MACF1: variants seen among roughly 807,000 people sequenced by gnomAD.
MACF1 encodes the protein microtubule actin crosslinking factor 1, also known as microtubule-actin cross-linking factor 1.
MACF1 carries 193 observed loss-of-function variants against 854.8 expected under a neutral mutation model. The ratio of observed to expected loss-of-function variants is 0.23; its 90% CI spans 0.20 to 0.25. MACF1 has a LOEUF of 0.25. Among genes scored for constraint, MACF1 ranks in the 10% least tolerant of loss-of-function variants. The pLI, the probability that MACF1 is intolerant of heterozygous loss-of-function variation, is 1.00. For synonymous variants in MACF1, 3,185 were observed against 3,226.7 expected (o/e 0.99, Z 0.44); for missense variants, 7,722 against 8,929.1 (o/e 0.86, Z 5.45).
chr1:39,102,213 A>AGAG (rs1557453862), intron 2 of MACF1, among the ~76,000 whole-genome samples: 12 of 114,924 alleles, frequency 1.0e-4, no homozygotes, highest in East Asian at 3.4e-4. Context: ...GAGAGAGAGA[A>AGAG]AGAGAGAGAG....
At position 39,367,005 on chromosome 1, in the gene MACF1, T is replaced by C. The variant is rs922270529; in HGVS notation, c.12772-1143T>C. 2.1e-5 allele frequency among the ~76,000 whole-genome samples: 3 copies of C among 141,422 alleles called. No homozygotes were observed. The Admixed American group carries it at 2.3e-4, about 11-fold the overall frequency. The allele number at this position is 141,422 out of a possible 152,430, so 92.8% of individuals were successfully genotyped here. On this transcript the variant is annotated intron_variant, in intron 49 of 100. Transcript: ENST00000564288. ...CTCTGTTGCCCAGGCTGGAGTGCAG[T>C]GGCACAATCTTGGCTCACTGCAACC...
At chr1:39,218,226 T>C (rs372323121) in intron 1 of MACF1, among the ~76,000 whole-genome samples, 1 of 148,718 alleles carries the variant, frequency 6.7e-6, no homozygotes, top group South Asian at 2.1e-4. Context: ...GATTTTGAGA[T>C]GGCTGGTTTA....
At chr1:39,176,263 G>C (rs1033050477) in intron 2 of MACF1, among the ~76,000 whole-genome samples, 1 of 131,318 alleles carries the variant, frequency 7.6e-6, no homozygotes, top group African/African-American at 2.8e-5. Flanking sequence ...GAGTGGCAGA[G>C]TGAGACTCTG....
intron 2 of MACF1, among the ~76,000 whole-genome samples, chr1:39,173,382 A>G (rs1449513455): frequency 6.6e-6 from 1 of 151,024 alleles, no homozygotes; most frequent in Non-Finnish European, 1.5e-5. Flanking sequence ...AGCACTGGAA[A>G]CAATTGCTAG....
At chr1:39,294,859 A>G (rs1453439356) in intron 18 of MACF1, among the ~76,000 whole-genome samples, 187 bp from the exon 19 acceptor site, 1 of 151,984 alleles carries the variant, frequency 6.6e-6, no homozygotes, top group Non-Finnish European at 1.5e-5. Flanking sequence ...TTTGTGAATC[A>G]TTTTCCAATA....
intron 2 of MACF1, among the ~76,000 whole-genome samples, chr1:39,173,155 C>T (rs1357153516): frequency 1.3e-5 from 2 of 152,002 alleles, no homozygotes; most frequent in African/African-American, 4.8e-5. Context: ...TCCTGGCCAA[C>T]ATGGTGAAAT....
At chr1:39,247,165 C>T (rs1257659231) in intron 2 of MACF1, among the ~76,000 whole-genome samples, 1 of 148,712 alleles carries the variant, frequency 6.7e-6, no homozygotes, top group African/African-American at 2.5e-5. Flanking sequence ...CTCCGCCTCC[C>T]GAGTTCACGC....
At chr1:39,168,808 C>T (rs1436775022) in intron 2 of MACF1, among the ~76,000 whole-genome samples, 1 of 151,914 alleles carries the variant, frequency 6.6e-6, no homozygotes, top group East Asian at 1.9e-4. Flanking sequence ...ATCGGTTGAT[C>T]GTAGAGATGG....
At position 39,388,872 on chromosome 1, in the gene MACF1, C is replaced by CTTTT. The variant is rs548104092; in HGVS notation, c.15816+235_15816+238dup. Among the ~76,000 whole-genome samples, 730 of 87,190 alleles carry CTTTT rather than the reference C, an allele frequency of 8.4e-3. 5 individuals are homozygous for CTTTT. Among genetic ancestry groups the CTTTT allele is most frequent in the African/African-American group, 0.018 (352 of 19,956 alleles). The allele number at this position is 87,190 out of a possible 152,430, so 57.2% of individuals were successfully genotyped here. A position where few individuals can be genotyped will look rare whatever the true frequency, so the allele number is the denominator to read the frequency against. On this transcript the variant is annotated intron_variant, in intron 58 of 100. Coordinates refer to ENST00000564288, the MANE Select transcript of MACF1 (RefSeq NM_001394062.1). ...TCTTTTTCTTTTTCTTCTTCTTCTT[C>CTTTT]TTTTTTTTTTTTTTTTTTTTTTTTG... is the stretch of plus-strand genomic sequence containing the variant.
At chr1:39,194,317 A>ATTTCTTTTCT (rs138791842) in intron 2 of MACF1, among the ~76,000 whole-genome samples, 36 of 105,470 alleles carry the variant, frequency 3.4e-4, no homozygotes, top group Admixed American at 3.1e-3. Context: ...CAGAAGTGGA[A>ATTTCTTTTCT]TTTCTTTTCT....
At chr1:39,481,963 A>G (rs1007152296) in intron 99 of MACF1, among the ~76,000 whole-genome samples, 3 of 152,210 alleles carry the variant, frequency 2.0e-5, no homozygotes, top group African/African-American at 7.2e-5. Flanking sequence ...ACCTACTGCC[A>G]CTAAACTACT....
At chr1:39,104,093 T>C (rs890424462) in intron 2 of MACF1, among the ~76,000 whole-genome samples, 1 of 152,142 alleles carries the variant, frequency 6.6e-6, no homozygotes, top group Non-Finnish European at 1.5e-5. Flanking sequence ...GAATTCTTTT[T>C]TTACTTGCTA....
At chr1:39,165,441 A>G (rs1401026458) in intron 2 of MACF1, among the ~76,000 whole-genome samples, 2 of 152,224 alleles carry the variant, frequency 1.3e-5, no homozygotes, top group African/African-American at 2.4e-5. Context: ...TCACTGGGCT[A>G]GAGAGGGTCA....
At chr1:39,465,600 G>A (rs890384497) in intron 95 of MACF1, among the ~76,000 whole-genome samples, 1 of 152,232 alleles carries the variant, frequency 6.6e-6, no homozygotes, top group African/African-American at 2.4e-5. Context: ...GTAATTGGCC[G>A]TGGCCTGAAG....
chr1:39,299,711 A>G (rs1378650520), intron 21 of MACF1, among the ~76,000 whole-genome samples: 1 of 152,198 alleles, frequency 6.6e-6, no homozygotes, highest in Non-Finnish European at 1.5e-5. Context: ...TAGGAAAATA[A>G]AATATTTGGA....
At position 39,331,320 on chromosome 1, in the gene MACF1, C is replaced by A. The variant is rs1646722281; in HGVS notation, c.4732C>A (p.Gln1578Lys). Reference protein sequence around the residue: ...QDTGLVLLESQVIMSGLIAPE... With the variant: ...QDTGLVLLESKVIMSGLIAPE... ...CACAGGCCTAGTGCTTCTGGAATCT[C>A]AGGTTATCATGTCTGGCCTCATTGC... is the stretch of plus-strand genomic sequence containing the variant. Residue 1578 changes from glutamine (Q) to lysine (K), a missense_variant, in exon 37 of 101, where the codon CAG becomes AAG. By Grantham distance (53) the Gln-to-Lys change is moderately conservative (BLOSUM62 1). This residue lies in a region of MACF1 where 1,531 missense variants were observed against 1,601.6 expected (regional missense o/e 0.96). Coordinates refer to ENST00000564288, the MANE Select transcript of MACF1 (RefSeq NM_001394062.1). The A allele has an allele frequency of 1.9e-6, 3 of 1,613,944 alleles. No homozygotes were observed. The highest frequency in any genetic ancestry group is 2.5e-6 in the Non-Finnish European group (3 of 1,179,994).
At position 39,460,149 on chromosome 1, in the gene MACF1, T is replaced by G. The variant is rs2124046635; in HGVS notation, c.21361-483T>G. On this transcript the variant is annotated intron_variant, in intron 91 of 100. Coordinates refer to ENST00000564288, the MANE Select transcript of MACF1 (RefSeq NM_001394062.1). This position sits in a 1 kb window ranked among gnomAD's most constrained non-coding sequence, Gnocchi z 4.1. ...GGATACAACATTGGGTTCCCAATGC[T>G]TCCATCCAGAACTCAGATTTTCTCA... Among the ~76,000 whole-genome samples the G allele has an allele frequency of 6.6e-6, 1 of 152,338 alleles. No individual in the cohort carries two copies. The highest frequency in any genetic ancestry group is 1.9e-4 in the East Asian group (1 of 5,190).
rs373188019 is a variant in MACF1 at position 39,287,294 on chromosome 1, G to A, written c.1517G>A (p.Arg506His). The A allele has an allele frequency of 1.7e-5, 27 of 1,613,546 alleles. 1 individual carries two copies. Among genetic ancestry groups the A allele is most frequent in the Admixed American group, 8.3e-5 (5 of 59,978 alleles). ...QLEELAFRVM[R>H]LQDELVTLRL... Reference sequence around the variant, plus strand: ...CTCTTCTTCCATTTCAGGGTCATGCGTCTTCAGGATGAGCTGGTCACCTTG... The same window carrying A: ...CTCTTCTTCCATTTCAGGGTCATGCATCTTCAGGATGAGCTGGTCACCTTG... Residue 506 changes from arginine to histidine, a missense_variant, in exon 15 of 101, where the codon CGT becomes CAT. Physicochemically the swap from Arg to His is conservative, Grantham distance 29. Around this residue, in one of 15 missense-constraint regions of MACF1, gnomAD observed 1,137 missense variants for 1,263.0 expected, o/e 0.90. Transcript: ENST00000564288.
intron 55 of MACF1, 46 bp from the exon 56 acceptor site, chr1:39,381,907 T>C: frequency 7.3e-7 from 1 of 1,372,316 alleles, no homozygotes; most frequent in African/African-American, 1.4e-5. Flanking sequence ...ACCAGGCCAG[T>C]TGTTGATAAT....
Sources: gnomAD v4.1 joint callset for allele counts (sites outside exome capture counted in the v4.1 genomes callset) on GRCh38, gnomAD v4.1.1 for gene constraint, gnomAD v4.1.1 regional missense constraint, Gnocchi (gnomAD v3.1) non-coding constraint, MANE v1.5 for transcripts, NCBI Gene and HGNC (gene_info 2026-07-23, HGNC 2026-07-21) for gene names.